The following IGBP1C variants were observed in gnomAD, a reference collection of about 807,000 sequenced individuals.
The protein encoded by IGBP1C is immunoglobulin-binding protein 1 family member C.
the IGBP1C span, chr17:58,666,845 A>T: frequency 1.3e-5 from 2 of 152,220 alleles, no homozygotes; most frequent in African/African-American, 4.8e-5. Flanking sequence ...TGTTGGTAAC[A>T]GAGTTGTGCA....
the IGBP1C span, among the ~76,000 whole-genome samples, chr17:58,674,074 G>A: frequency 6.6e-6 from 1 of 151,996 alleles, no homozygotes. Flanking sequence ...AGGAGTTCAA[G>A]ACCAGTCTGG....
chr17:58,691,073 T>C, the IGBP1C span, among the ~76,000 whole-genome samples: 3 of 152,050 alleles, frequency 2.0e-5, no homozygotes, highest in South Asian at 6.2e-4. Flanking sequence ...GAGGCTGGTC[T>C]CAAACTCATG....
the IGBP1C span, among the ~76,000 whole-genome samples, chr17:58,676,957 A>C: frequency 6.6e-6 from 1 of 152,036 alleles, no homozygotes; most frequent in African/African-American, 2.4e-5. Flanking sequence ...TCTCTACTAA[A>C]AAATACAAAA....
the IGBP1C span, among the ~76,000 whole-genome samples, chr17:58,664,368 C>A: frequency 6.6e-6 from 1 of 152,162 alleles, no homozygotes; most frequent in Non-Finnish European, 1.5e-5. Context: ...GGGAGAACTC[C>A]ATTTCTGATG....
At chr17:58,672,251 G>A in the IGBP1C span, among the ~76,000 whole-genome samples, 1 of 152,106 alleles carries the variant, frequency 6.6e-6, no homozygotes, top group Non-Finnish European at 1.5e-5. Context: ...CCACCAACTG[G>A]TACCATGCTC....
At chr17:58,673,440 G>A in the IGBP1C span, among the ~76,000 whole-genome samples, 7 of 150,542 alleles carry the variant, frequency 4.6e-5, no homozygotes, top group African/African-American at 1.7e-4. Flanking sequence ...CCGAGATCAC[G>A]CCACTGCACT....
chr17:58,661,127 T>A, the IGBP1C span: 1 of 875,756 alleles, frequency 1.1e-6, no homozygotes, highest in Non-Finnish European at 2.0e-6. Context: ...TATTTTAGCC[T>A]GTCTTTGAGA....
chr17:58,688,092 T>A, the IGBP1C span, among the ~76,000 whole-genome samples: 1 of 152,146 alleles, frequency 6.6e-6, no homozygotes, highest in Non-Finnish European at 1.5e-5. Context: ...GTACTCTACT[T>A]CGGCACTTTT....
chr17:58,671,278 G>C, the IGBP1C span, among the ~76,000 whole-genome samples: 1 of 152,080 alleles, frequency 6.6e-6, no homozygotes, highest in African/African-American at 2.4e-5. Context: ...TGGTGCTGGG[G>C]GACATCACCA....
the IGBP1C span, among the ~76,000 whole-genome samples, chr17:58,686,996 C>T: frequency 7.3e-3 from 1,109 of 151,502 alleles, 6 homozygotes; most frequent in Admixed American, 0.011. Context: ...GCCTCAGTCT[C>T]CCGAGTAGCT....
At chr17:58,660,506 A>T in the IGBP1C span, 2 of 707,436 alleles carry the variant, frequency 2.8e-6, no homozygotes, top group Non-Finnish European at 5.2e-6. Flanking sequence ...GAGCTCAGGG[A>T]GGGGAAGGCT....
At chr17:58,678,112 T>G in the IGBP1C span, among the ~76,000 whole-genome samples, 202 of 152,208 alleles carry the variant, frequency 1.3e-3, no homozygotes, top group Non-Finnish European at 2.6e-3. Context: ...ATGGTGCCAC[T>G]GCACTCCAGC....
the IGBP1C span, among the ~76,000 whole-genome samples, chr17:58,682,398 C>T: frequency 6.6e-6 from 1 of 152,024 alleles, no homozygotes; most frequent in Non-Finnish European, 1.5e-5. Context: ...GCTGGAATTA[C>T]AAGCACATGC....
the IGBP1C span, among the ~76,000 whole-genome samples, chr17:58,663,205 C>A: frequency 4.0e-5 from 6 of 151,866 alleles, no homozygotes; most frequent in Non-Finnish European, 5.9e-5. Flanking sequence ...GATGGATCAC[C>A]TGAGGTCGGG....
the IGBP1C span, chr17:58,660,879 G>A: frequency 1.2e-6 from 1 of 801,344 alleles, no homozygotes; most frequent in Non-Finnish European, 2.3e-6. Context: ...GGTTTCATTG[G>A]AGGCCTCTTC....
At chr17:58,680,818 T>C in the IGBP1C span, among the ~76,000 whole-genome samples, 1 of 152,174 alleles carries the variant, frequency 6.6e-6, no homozygotes, top group Non-Finnish European at 1.5e-5. Context: ...CTTTCCAAGA[T>C]CACACTAGAA....
At chr17:58,661,347 C>T in the IGBP1C span, 1 of 904,762 alleles carries the variant, frequency 1.1e-6, no homozygotes, top group Non-Finnish European at 1.9e-6. Flanking sequence ...CCTTGAAACG[C>T]TGGCACCATC....
At chr17:58,691,207 T>C in the IGBP1C span, among the ~76,000 whole-genome samples, 1 of 152,152 alleles carries the variant, frequency 6.6e-6, no homozygotes, top group Non-Finnish European at 1.5e-5. Flanking sequence ...TGAGCTTCCA[T>C]GTCCTTATCT....
the IGBP1C span, chr17:58,661,186 A>G: frequency 1.2e-6 from 1 of 801,818 alleles, no homozygotes; most frequent in Non-Finnish European, 2.3e-6. Context: ...TAGCACCGTG[A>G]TTTTCAGCTG....
Sources: allele counts gnomAD v4.1 joint callset (sites outside exome capture counted in the v4.1 genomes callset), GRCh38; gene constraint gnomAD v4.1.1; transcripts MANE v1.5; gene names NCBI Gene and HGNC (gene_info 2026-07-23, HGNC 2026-07-21).